CYB5R4: variants seen among roughly 807,000 people sequenced by gnomAD.
CYB5R4 encodes the protein cytochrome b5 reductase 4, also known as N-terminal cytochrome b5 and cytochrome b5 oxidoreductase domain-containing protein.
Under a neutral mutation model 70.2 loss-of-function variants are expected in CYB5R4, and 55 were observed. The observed-to-expected ratio is 0.78, with a 90% CI of 0.63 to 0.98. The LOEUF is 0.98. CYB5R4 is among the 50% of genes least tolerant of loss of function. CYB5R4 has a pLI of 0.00. For missense variants in CYB5R4, 562 were observed against 612.6 expected (o/e 0.92, Z 0.87); for synonymous variants, 197 against 199.5 (o/e 0.99, Z 0.11).
chr6:83,922,597 A>C, intron 9 of CYB5R4, 127 bp downstream of exon 9: 1 of 664,926 alleles, frequency 1.5e-6, no homozygotes, highest in Non-Finnish European at 2.6e-6. Context: ...TCACATTGCA[A>C]AACAAAGATG....
At chr6:83,867,463 G>C (rs2099456914) in intron 2 of CYB5R4, among the ~76,000 whole-genome samples, 1 of 152,206 alleles carries the variant, frequency 6.6e-6, no homozygotes, top group South Asian at 2.1e-4. Flanking sequence ...ATTTGAATGT[G>C]GGGACAGTGT....
At chr6:83,905,059 T>TG (rs1490522198) in intron 3 of CYB5R4, among the ~76,000 whole-genome samples, 3 of 152,108 alleles carry the variant, frequency 2.0e-5, no homozygotes, top group Non-Finnish European at 4.4e-5. Context: ...TTTGTTTGTT[T>TG]TTTGTTTTGT....
At chr6:83,863,906 G>C (rs569932385) in intron 1 of CYB5R4, among the ~76,000 whole-genome samples, 1 of 152,260 alleles carries the variant, frequency 6.6e-6, no homozygotes, top group South Asian at 2.1e-4. Flanking sequence ...GAGCATCCTG[G>C]ATTTTGGTAT....
intron 2 of CYB5R4, among the ~76,000 whole-genome samples, chr6:83,883,111 C>T (rs1168688876): frequency 6.6e-6 from 1 of 151,984 alleles, no homozygotes; most frequent in Admixed American, 6.6e-5. Flanking sequence ...AGCTTAATAG[C>T]AGATTGGTGG....
chr6:83,864,959 A>G (rs1363672170), intron 2 of CYB5R4, among the ~76,000 whole-genome samples: 2 of 152,206 alleles, frequency 1.3e-5, no homozygotes, highest in African/African-American at 4.8e-5. Context: ...GAACAAAAAT[A>G]AAAATGAAAG....
intron 2 of CYB5R4, among the ~76,000 whole-genome samples, chr6:83,890,549 A>G (rs984262358): frequency 1.3e-5 from 2 of 152,238 alleles, no homozygotes; most frequent in Non-Finnish European, 2.9e-5. Flanking sequence ...AGGATTTATA[A>G]TATTACATAC....
chr6:83,897,689 A>G (rs2099462133), intron 3 of CYB5R4, among the ~76,000 whole-genome samples: 2 of 152,088 alleles, frequency 1.3e-5, no homozygotes, highest in African/African-American at 4.8e-5. Flanking sequence ...CTGCATAAAT[A>G]TCTTCTTTTG....
Position 83,936,113 on chromosome 6 carries a change from G to A in CYB5R4, c.956-111G>A, listed in dbSNP as rs1468229963. The A allele has an allele frequency of 4.5e-6, 3 of 667,888 alleles. No homozygotes were observed. In the African/African-American group the frequency reaches 5.5e-5, roughly 12 times the overall value. The allele number at this position is 667,888 out of a possible 1,614,324, so 41.4% of individuals were successfully genotyped here. ...AATAATTAGAATTATATGCCCATTA[G>A]GTATATAGTTTTAAATATATACTGA... On this transcript the variant is annotated intron_variant, in intron 11 of 15. Transcript: ENST00000369681.
intron 10 of CYB5R4, among the ~76,000 whole-genome samples, chr6:83,926,588 C>G (rs1168812528): frequency 6.6e-6 from 1 of 151,948 alleles, no homozygotes; most frequent in Non-Finnish European, 1.5e-5. Context: ...ACTTAATTAC[C>G]TTTTAAATGA....
chr6:83,872,554 C>T (rs920037295), intron 2 of CYB5R4, among the ~76,000 whole-genome samples: 2 of 152,178 alleles, frequency 1.3e-5, no homozygotes, highest in Non-Finnish European at 2.9e-5. Context: ...GGGGCTCAGA[C>T]CAAGTCCCCA....
intron 3 of CYB5R4, 47 bp downstream of exon 3, chr6:83,893,669 C>T: frequency 9.5e-7 from 1 of 1,050,660 alleles, no homozygotes; most frequent in Non-Finnish European, 1.5e-6. Flanking sequence ...GAAGAGTACT[C>T]AGATTTATCA....
Position 83,955,360 on chromosome 6 carries a change from T to C in CYB5R4, c.1409T>C (p.Ile470Thr), listed in dbSNP as rs200552087. The C allele has an allele frequency of 1.2e-6, 2 of 1,613,862 alleles. No homozygotes were observed. Among genetic ancestry groups the C allele is most frequent in the African/African-American group, 2.7e-5 (2 of 74,928 alleles). ...GAATGGAATGGCAAACAGGGACATA[T>C]TTCACCAGCTCTTCTTTCTGAATTT... Reference protein sequence around the residue: ...ISEWNGKQGHISPALLSEFLK... With the variant: ...ISEWNGKQGHTSPALLSEFLK... The change falls in exon 15 of 16, where the codon ATT becomes ACT. Residue 470 changes from isoleucine (I) to threonine (T), a missense_variant. Ile to Thr is a moderately conservative substitution (Grantham distance 89). Transcript: ENST00000369681.
intron 3 of CYB5R4, among the ~76,000 whole-genome samples, chr6:83,895,256 C>T (rs1482265015): frequency 6.6e-6 from 1 of 152,062 alleles, no homozygotes; most frequent in African/African-American, 2.4e-5. Flanking sequence ...ACCTGCGCCT[C>T]CCAGGTTCAA....
chr6:83,905,125 G>C (rs2129136893), intron 3 of CYB5R4, among the ~76,000 whole-genome samples: 1 of 152,260 alleles, frequency 6.6e-6, no homozygotes, highest in South Asian at 2.1e-4. Context: ...TGCAGCCTCA[G>C]CTCACTGCAA....
chr6:83,950,074 C>A (rs1477907194), intron 14 of CYB5R4, among the ~76,000 whole-genome samples: 1 of 151,990 alleles, frequency 6.6e-6, no homozygotes, highest in Non-Finnish European at 1.5e-5. Flanking sequence ...CTTCATTTTC[C>A]CTAATTACTG....
chr6:83,938,323 A>T (rs144532575), intron 12 of CYB5R4, among the ~76,000 whole-genome samples: 1 of 152,210 alleles, frequency 6.6e-6, no homozygotes, highest in Non-Finnish European at 1.5e-5. Flanking sequence ...GTCCTAGAGC[A>T]TGGAAAGGGA....
intron 14 of CYB5R4, among the ~76,000 whole-genome samples, chr6:83,953,794 C>G (rs755826114): frequency 6.6e-6 from 1 of 152,040 alleles, no homozygotes; most frequent in Non-Finnish European, 1.5e-5. Flanking sequence ...GGGAATAAGT[C>G]GTTGGATGAC....
intron 2 of CYB5R4, among the ~76,000 whole-genome samples, chr6:83,886,702 C>G (rs1341919576): frequency 6.6e-6 from 1 of 152,152 alleles, no homozygotes; most frequent in Non-Finnish European, 1.5e-5. Flanking sequence ...TTAGTGTTCC[C>G]TTTATGAGGA....
chr6:83,955,907 G>A (rs112516477), intron 15 of CYB5R4, among the ~76,000 whole-genome samples: 2,759 of 152,218 alleles, frequency 0.018, 85 homozygotes, highest in African/African-American at 0.063. Flanking sequence ...AAGACAAAAA[G>A]GGAAGACTAG....
Sources: gnomAD v4.1 joint callset for allele counts (sites outside exome capture counted in the v4.1 genomes callset) on GRCh38, gnomAD v4.1.1 for gene constraint, MANE v1.5 for transcripts, NCBI Gene and HGNC (gene_info 2026-07-23, HGNC 2026-07-21) for gene names.